The following COMMD1 variants were observed in gnomAD, a reference collection of about 807,000 sequenced individuals.
COMMD1 encodes copper metabolism domain containing 1, also known as COMM domain-containing protein 1.
In COMMD1, 10 loss-of-function variants were observed where a neutral mutation model predicts 17.2. That is an observed-to-expected ratio of 0.58 (90% CI 0.36 to 0.99). COMMD1 has a LOEUF of 0.99. Ranked by LOEUF, COMMD1 falls within the 50% of genes least tolerant of loss-of-function variation. The probability of loss-of-function intolerance (pLI) is 0.01; values close to 1 mark genes in which losing one functional copy is unlikely to be tolerated. For synonymous variants in COMMD1, 97 were observed against 91.6 expected (o/e 1.06, Z -0.34); for missense variants, 270 against 231.8 (o/e 1.17, Z -1.07).
chr2:61,933,552 TAAG>T (rs890790035), intron 1 of COMMD1, among the ~76,000 whole-genome samples: 37 of 151,938 alleles, frequency 2.4e-4, no homozygotes, highest in African/African-American at 8.4e-4. Context: ...GGTGGCTTTA[TAAG>T]AAGAGAAAGA....
intron 2 of COMMD1, among the ~76,000 whole-genome samples, chr2:62,116,745 G>C (rs1325978429): frequency 6.7e-6 from 1 of 149,664 alleles, no homozygotes; most frequent in East Asian, 2.0e-4. Context: ...CCAGCACTTT[G>C]GGAAGCTGAG....
Position 61,968,690 on chromosome 2 carries a change from G to A in COMMD1, c.181-32011G>A, listed in dbSNP as rs113078810. Among the ~76,000 whole-genome samples the A allele has an allele frequency of 8.2e-3, 1,252 of 152,046 alleles. 21 individuals carry two copies. Among genetic ancestry groups the A allele is most frequent in the African/African-American group, 0.027 (1,135 of 41,466 alleles). Reference sequence around the variant, plus strand: ...TCCTACCTCAGCCTTTCCAGTAGTTGTCACCACAGGTGCATGCCACCATGC... The same window carrying A: ...TCCTACCTCAGCCTTTCCAGTAGTTATCACCACAGGTGCATGCCACCATGC... On this transcript the variant is annotated intron_variant, in intron 1 of 2. Coordinates refer to ENST00000311832, the MANE Select transcript of COMMD1 (RefSeq NM_152516.4).
intron 2 of COMMD1, among the ~76,000 whole-genome samples, chr2:62,071,004 C>G (rs1671186242): frequency 6.6e-6 from 1 of 152,082 alleles, no homozygotes; most frequent in Non-Finnish European, 1.5e-5. Context: ...GCACTCCAGC[C>G]TGGATGATAG....
rs1393950755 is a variant in COMMD1, at chr2:62,003,638, A to ACACACC, written c.462+2659_462+2660insACCCAC. ...CACACACACACACACACACACACAC[A>ACACACC]CACCCAACAGATTAGAAAAGTTTAA... On this transcript the variant is annotated intron_variant, in intron 2 of 2. Coordinates refer to ENST00000311832, the MANE Select transcript of COMMD1 (RefSeq NM_152516.4). Among the ~76,000 whole-genome samples the ACACACC allele has an allele frequency of 1.1e-4, 17 of 148,558 alleles. No homozygotes were observed. In the East Asian group the frequency reaches 2.2e-3, roughly 19 times the overall value.
At chr2:61,888,465 C>T (rs765189069), upstream of COMMD1, 11 of 1,611,946 alleles carry the variant, frequency 6.8e-6, no homozygotes, top group Admixed American at 1.5e-4. Flanking sequence ...CCGCCGGCAG[C>T]CCCGGCAGTC....
At chr2:62,064,563 G>A (rs548926003) in intron 2 of COMMD1, among the ~76,000 whole-genome samples, 1 of 152,174 alleles carries the variant, frequency 6.6e-6, no homozygotes, top group South Asian at 2.1e-4. Flanking sequence ...TTTTTGACTT[G>A]TTCATTCTTT....
intron 2 of COMMD1, among the ~76,000 whole-genome samples, chr2:62,090,989 G>A (rs572021790): frequency 1.2e-4 from 19 of 152,264 alleles, no homozygotes; most frequent in South Asian, 8.3e-4. Flanking sequence ...CACATTTACC[G>A]TCCAAAAATC....
intron 2 of COMMD1, among the ~76,000 whole-genome samples, chr2:62,028,944 C>A (rs1669842275): frequency 6.6e-6 from 1 of 151,880 alleles, no homozygotes; most frequent in South Asian, 2.1e-4. Context: ...ATTCTGGTTG[C>A]CAGAAAATAA....
intron 1 of COMMD1, among the ~76,000 whole-genome samples, chr2:61,974,696 GT>G (rs1432063227): frequency 6.7e-6 from 1 of 149,266 alleles, no homozygotes; most frequent in Admixed American, 6.7e-5. Context: ...AAAAAAGTTT[GT>G]TTTAAATAGG....
At chr2:62,049,650 A>G (rs577880248) in intron 2 of COMMD1, among the ~76,000 whole-genome samples, 1 of 152,328 alleles carries the variant, frequency 6.6e-6, no homozygotes, top group Admixed American at 6.5e-5. Context: ...ATTGCTGAAC[A>G]GGCCTTTATA....
intron 2 of COMMD1, among the ~76,000 whole-genome samples, chr2:62,076,251 G>A (rs1370213856): frequency 6.6e-6 from 1 of 152,264 alleles, no homozygotes; most frequent in African/African-American, 2.4e-5. Context: ...GAGCTGTGAT[G>A]TACATAATGT....
intron 2 of COMMD1, among the ~76,000 whole-genome samples, chr2:62,108,687 T>C (rs1451024927): frequency 6.6e-6 from 1 of 152,324 alleles, no homozygotes; most frequent in East Asian, 1.9e-4. Flanking sequence ...TATGTTCTGC[T>C]TTTAGGCAAA....
intron 1 of COMMD1, among the ~76,000 whole-genome samples, chr2:61,925,044 T>C (rs533858464): frequency 1.3e-5 from 2 of 152,180 alleles, no homozygotes; most frequent in African/African-American, 4.8e-5. Flanking sequence ...AAGGCAACAG[T>C]CTCTTCACTC....
chr2:61,961,246 C>G (rs1057405362), intron 1 of COMMD1, among the ~76,000 whole-genome samples: 2 of 152,226 alleles, frequency 1.3e-5, no homozygotes, highest in Non-Finnish European at 2.9e-5. Context: ...TTATTTATAA[C>G]CTGACACATC....
intron 2 of COMMD1, among the ~76,000 whole-genome samples, chr2:62,109,273 T>G (rs1003671424): frequency 1.3e-5 from 2 of 152,168 alleles, no homozygotes; most frequent in African/African-American, 4.8e-5. Flanking sequence ...TAAAAAGCAT[T>G]CTGTAAACCC....
At chr2:62,109,884 A>G (rs1573197160) in intron 2 of COMMD1, among the ~76,000 whole-genome samples, 1 of 148,160 alleles carries the variant, frequency 6.7e-6, no homozygotes, top group African/African-American at 2.5e-5. Flanking sequence ...TAGTTGTCTC[A>G]TGACATGAAA....
chr2:62,118,415 C>T (rs1251008737), intron 2 of COMMD1: 1 of 152,210 alleles, frequency 6.6e-6, no homozygotes, highest in African/African-American at 2.4e-5. Flanking sequence ...AAAGCAACCT[C>T]CTATCTTCCT....
chr2:62,105,996 A>C (rs1204018914), intron 2 of COMMD1, among the ~76,000 whole-genome samples: 1 of 152,142 alleles, frequency 6.6e-6, no homozygotes, highest in Admixed American at 6.5e-5. Context: ...TTAGAGAATG[A>C]ACTTTTTTTT....
At chr2:62,114,619 G>T (rs1485190447) in intron 2 of COMMD1, among the ~76,000 whole-genome samples, 1 of 152,202 alleles carries the variant, frequency 6.6e-6, no homozygotes, top group African/African-American at 2.4e-5. Flanking sequence ...CTTTTAGTCA[G>T]TGCTCATTAG....
Sources: gnomAD v4.1 joint callset for allele counts (sites outside exome capture counted in the v4.1 genomes callset) on GRCh38, gnomAD v4.1.1 for gene constraint, MANE v1.5 for transcripts, NCBI Gene and HGNC (gene_info 2026-07-23, HGNC 2026-07-21) for gene names.